Variants in RIC1 observed in about 807,000 individuals in gnomAD.
RIC1 encodes the protein RIC1 partner of RAB6A GEF complex.
Under a neutral mutation model 169.0 loss-of-function variants are expected in RIC1, and 88 were observed. That is an observed-to-expected ratio of 0.52 (90% CI 0.44 to 0.62). The LOEUF is 0.62. RIC1 is among the 20% of genes least tolerant of loss of function. RIC1 has a pLI of 0.00. For synonymous variants in RIC1, 790 were observed against 601.5 expected, an observed-to-expected ratio of 1.31 and a Z score of -4.59; for missense variants, 1,877 against 1,725.5, an observed-to-expected ratio of 1.09 and a Z score of -1.56.
chr9:5,649,125 C>G (rs549391059), intron 1 of RIC1, among the ~76,000 whole-genome samples: 3 of 151,884 alleles, frequency 2.0e-5, no homozygotes, highest in African/African-American at 7.3e-5. Context: ...CAGAGATAGA[C>G]CCTATCTTAA....
chr9:5,698,809 G>T (rs894874611), intron 3 of RIC1, among the ~76,000 whole-genome samples: 1 of 152,130 alleles, frequency 6.6e-6, no homozygotes, highest in Non-Finnish European at 1.5e-5. Context: ...GTTGCCTTCT[G>T]AATTATGTAA....
rs1008901334 is a variant in RIC1, at chr9:5,775,316, A to G, written c.*1070A>G. On this transcript the variant is annotated 3_prime_UTR_variant, in exon 26 of 26. Transcript: ENST00000414202. ...AGAATGCATTCTTCATTGTAAACTT[A>G]AAGTATTTTATGTACTTCTAGAAAT... is the stretch of plus-strand genomic sequence containing the variant. 3 of 152,148 alleles carry G rather than the reference A, an allele frequency of 2.0e-5. No homozygotes were observed. The highest frequency in any genetic ancestry group is 2.9e-5 in the Non-Finnish European group (2 of 68,020). The allele number at this position is 152,148 out of a possible 1,614,324, so 9.4% of individuals were successfully genotyped here.
intron 8 of RIC1, 69 bp downstream of exon 8, chr9:5,738,607 C>G: frequency 1.1e-6 from 1 of 929,018 alleles, no homozygotes; most frequent in South Asian, 1.9e-5. Context: ...GTAGCAGATG[C>G]TGATTTTAAG....
chr9:5,756,265 C>G lies in RIC1; in HGVS notation c.1746C>G (p.Thr582=). The G allele has an allele frequency of 6.9e-6, 11 of 1,603,810 alleles. No individual in the cohort carries two copies. The highest frequency in any genetic ancestry group is 9.4e-6 in the Non-Finnish European group (11 of 1,173,710). The change falls in exon 16 of 26, where the codon ACC becomes ACG. Residue 582 remains threonine, a synonymous_variant. Coordinates refer to ENST00000414202, the MANE Select transcript of RIC1 (RefSeq NM_020829.4). ...TGGACAATGCCTTTGCTCATGTCAC[C>G]AAAGCACAAGCAGAAACATTACTGC... The part of the protein sequence containing the change: ...SNLDNAFAHV[T]KAQAETLLLS...
chr9:5,669,251 T>C (rs1164943256), intron 2 of RIC1, among the ~76,000 whole-genome samples: 1 of 152,218 alleles, frequency 6.6e-6, no homozygotes, highest in Non-Finnish European at 1.5e-5. Flanking sequence ...GTACACTGTG[T>C]ACCCAATTTG....
intron 6 of RIC1, among the ~76,000 whole-genome samples, chr9:5,727,139 T>G (rs1824045304): frequency 6.6e-6 from 1 of 152,254 alleles, no homozygotes; most frequent in South Asian, 2.1e-4. Context: ...GATAACATCC[T>G]GCAGAGTGTT....
In RIC1 at chr9:5,756,353, A is replaced by G. The variant is rs1226345606; in HGVS notation, c.1834A>G (p.Ile612Val). 6.7e-7 allele frequency: 1 copy of G among 1,499,446 alleles called. No homozygotes were observed. Among genetic ancestry groups the G allele is most frequent in the Non-Finnish European group, 9.0e-7 (1 of 1,112,284 alleles). 92.9% of individuals were successfully genotyped at this position (1,499,446 alleles called of 1,614,324 possible). A position where few individuals can be genotyped will look rare whatever the true frequency, so the allele number is the denominator to read the frequency against. ...RADCSICLYS[I>V]ERKSDGPNTT... The stretch of plus-strand genomic sequence containing the variant: ...AGACTGTTCAATATGCCTTTACAGT[A>G]TTGAAAGAAAATCTGATGGGTAAGT... The change falls in exon 16 of 26, where the codon ATT becomes GTT. Residue 612 changes from isoleucine to valine, a missense_variant. Physicochemically the swap from Ile to Val is conservative, Grantham distance 29. Transcript: ENST00000414202.
intron 2 of RIC1, among the ~76,000 whole-genome samples, chr9:5,688,518 C>T (rs1330348864): frequency 1.3e-5 from 2 of 152,084 alleles, no homozygotes; most frequent in Non-Finnish European, 2.9e-5. Flanking sequence ...TTTCCTTTTG[C>T]TTCCATACTC....
In RIC1 at chr9:5,761,104, C is replaced by CTTTTT. The variant is rs71326188; in HGVS notation, c.1993-1414_1993-1410dup. 2.1e-4 allele frequency among the ~76,000 whole-genome samples: 20 copies of CTTTTT among 94,712 alleles called. 2 individuals carry two copies. The highest frequency in any genetic ancestry group is 7.2e-4 in the African/African-American group (17 of 23,696). The allele number at this position is 94,712 out of a possible 152,430, so 62.1% of individuals were successfully genotyped here. On this transcript the variant is annotated intron_variant, in intron 17 of 25. Coordinates refer to ENST00000414202, the MANE Select transcript of RIC1 (RefSeq NM_020829.4). ...GTCTCCTTCAGTTTACCAGCCTCAC[C>CTTTTT]TTTTTTTTTTTTTTTTTTTTTTTTT... is the stretch of plus-strand genomic sequence containing the variant.
At chr9:5,689,262 A>G (rs1297104620) in intron 2 of RIC1, among the ~76,000 whole-genome samples, 1 of 151,964 alleles carries the variant, frequency 6.6e-6, no homozygotes, top group Admixed American at 6.6e-5. Flanking sequence ...CACGTTAGCC[A>G]GAATGGTCTT....
At chr9:5,762,052 G>C (rs1054319106) in intron 17 of RIC1, among the ~76,000 whole-genome samples, 1 of 152,148 alleles carries the variant, frequency 6.6e-6, no homozygotes, top group Non-Finnish European at 1.5e-5. Context: ...TTGAAGGTCT[G>C]TTACCATCCA....
rs1339936144 is a variant in RIC1, at chr9:5,772,583, T to C, written c.3636T>C (p.Gly1212=). Reference sequence around the variant, plus strand: ...CATCAGGTGATGAATGCAGTATTGGTTCAGCCACAGACTTGACTGAAAGTA... The same window carrying C: ...CATCAGGTGATGAATGCAGTATTGGCTCAGCCACAGACTTGACTGAAAGTA... The part of the protein sequence containing the change: ...LSNKGDECSI[G]SATDLTESSS... Residue 1212 remains glycine, a synonymous_variant, in exon 24 of 26, where the codon GGT becomes GGC. Transcript: ENST00000414202. 2 of 1,611,416 alleles carry C rather than the reference T, an allele frequency of 1.2e-6. No individual in the cohort carries two copies. The highest frequency in any genetic ancestry group is 1.7e-6 in the Non-Finnish European group (2 of 1,179,200).
At chr9:5,646,089 T>G (rs1488387864) in intron 1 of RIC1, among the ~76,000 whole-genome samples, 3 of 152,124 alleles carry the variant, frequency 2.0e-5, no homozygotes, top group Non-Finnish European at 4.4e-5. Context: ...TGCTAGTACT[T>G]GTTTTCTGTT....
intron 21 of RIC1, 75 bp from the exon 22 acceptor site, chr9:5,768,895 G>A: frequency 6.9e-7 from 1 of 1,454,874 alleles, no homozygotes; most frequent in Non-Finnish European, 9.3e-7. Context: ...AGCTTTATCA[G>A]TACCTCTGCG....
chr9:5,752,624 C>T (rs185734771), intron 12 of RIC1, among the ~76,000 whole-genome samples: 35 of 151,974 alleles, frequency 2.3e-4, no homozygotes, highest in Admixed American at 3.9e-4. Flanking sequence ...TTAATAGAGA[C>T]GAGATTTCGC....
At position 5,686,066 on chromosome 9, in the gene RIC1, G is replaced by A. The variant is rs199965625; in HGVS notation, c.253-3893G>A. Among the ~76,000 whole-genome samples, 28 of 147,836 alleles carry A rather than the reference G, an allele frequency of 1.9e-4. No individual in the cohort carries two copies. In the East Asian group the frequency reaches 5.0e-3, roughly 26 times the overall value. ...GGCCATCAGAGAAATGCAAATCAAA[G>A]CCACTATGAGATATCATCTCACACC... On this transcript the variant is annotated intron_variant, in intron 2 of 25. Coordinates refer to ENST00000414202, the MANE Select transcript of RIC1 (RefSeq NM_020829.4).
chr9:5,729,267 T>G (rs984845802), intron 6 of RIC1, among the ~76,000 whole-genome samples: 3 of 152,138 alleles, frequency 2.0e-5, no homozygotes, highest in Non-Finnish European at 4.4e-5. Context: ...AAGAAAAATA[T>G]CCAGTTTTCC....
At position 5,742,871 on chromosome 9, in the gene RIC1, A is replaced by C. The variant is rs1334248650; in HGVS notation, c.904A>C (p.Ile302Leu). The C allele has an allele frequency of 1.9e-6, 3 of 1,611,124 alleles. No individual in the cohort carries two copies. The highest frequency in any genetic ancestry group is 3.3e-5 in the Admixed American group (2 of 59,856). Reference protein sequence around the residue: ...LELTAKQYPDIWNKTGAVKLM... With the variant: ...LELTAKQYPDLWNKTGAVKLM... Reference sequence around the variant, plus strand: ...CTCTTCTCACTATTTCCTAACAGACATTTGGAATAAAACAGGAGCTGTTAA... The same window carrying C: ...CTCTTCTCACTATTTCCTAACAGACCTTTGGAATAAAACAGGAGCTGTTAA... Residue 302 changes from isoleucine (I) to leucine (L), a missense_variant and splice_region_variant, in exon 9 of 26, where the codon ATT (isoleucine) becomes CTT (leucine). Transcript: ENST00000414202.
At chr9:5,738,686 GA>G (rs1403635646) in intron 8 of RIC1, 148 bp downstream of exon 8, 4 of 456,590 alleles carry the variant, frequency 8.8e-6, no homozygotes, top group African/African-American at 8.1e-5. Flanking sequence ...CTCAAGTCTG[GA>G]AATTGATTGA....
Sources: gnomAD v4.1 joint callset for allele counts (sites outside exome capture counted in the v4.1 genomes callset) on GRCh38, gnomAD v4.1.1 for gene constraint, MANE v1.5 for transcripts, NCBI Gene and HGNC (gene_info 2026-07-23, HGNC 2026-07-21) for gene names.